ANKS1B: variants seen among roughly 807,000 people sequenced by gnomAD.
ANKS1B encodes ankyrin repeat and sterile alpha motif domain-containing protein 1B.
ANKS1B carries 36 observed loss-of-function variants against 148.3 expected under a neutral mutation model. That is an observed-to-expected ratio of 0.24 (90% CI 0.19 to 0.32). The LOEUF is 0.32. ANKS1B is among the 10% of genes least tolerant of loss of function. The pLI is 1.00. For synonymous variants in ANKS1B, 542 were observed against 560.8 expected, an observed-to-expected ratio of 0.97 and a Z score of 0.47; for missense variants, 1,157 against 1,542.6, an observed-to-expected ratio of 0.75 and a Z score of 4.19.
At chr12:99,901,526 A>T (rs7308947) in intron 1 of ANKS1B, among the ~76,000 whole-genome samples, 15,107 of 152,218 alleles carry the variant, frequency 0.099, 864 homozygotes, top group African/African-American at 0.15. Context: ...CTGGAATCCT[A>T]TAGTGGACAT....
intron 3 of ANKS1B, among the ~76,000 whole-genome samples, chr12:99,807,219 A>G (rs1375225443): frequency 2.0e-5 from 3 of 152,216 alleles, no homozygotes; most frequent in Non-Finnish European, 2.9e-5. Context: ...AAGAAAATGA[A>G]AAGATTTTGG....
chr12:99,752,506 G>C (rs2153596916), intron 8 of ANKS1B, among the ~76,000 whole-genome samples: 1 of 151,740 alleles, frequency 6.6e-6, no homozygotes, highest in South Asian at 2.1e-4. Flanking sequence ...ATGAACTAAA[G>C]CAATGAAGAA....
At chr12:99,259,094 C>T (rs957796450) in intron 12 of ANKS1B, among the ~76,000 whole-genome samples, 10 of 152,242 alleles carry the variant, frequency 6.6e-5, no homozygotes, top group Admixed American at 1.3e-4. Flanking sequence ...AATGCAAAGC[C>T]GGCTTTTTTC....
At chr12:99,711,593 A>G (rs2056641964) in intron 8 of ANKS1B, among the ~76,000 whole-genome samples, 1 of 152,206 alleles carries the variant, frequency 6.6e-6, no homozygotes, top group Admixed American at 6.5e-5. Flanking sequence ...AGCATATGAA[A>G]AAAAGCTCAA....
At chr12:99,466,832 G>A (rs201057537) in intron 10 of ANKS1B, among the ~76,000 whole-genome samples, 1 of 151,554 alleles carries the variant, frequency 6.6e-6, no homozygotes, top group South Asian at 2.1e-4. Flanking sequence ...AGGACCAGAT[G>A]GATTCACAGT....
chr12:99,169,876 A>C (rs2077568686), intron 14 of ANKS1B, among the ~76,000 whole-genome samples: 1 of 151,998 alleles, frequency 6.6e-6, no homozygotes, highest in African/African-American at 2.4e-5. Flanking sequence ...CTAAGCTTTC[A>C]GCCACTACTC....
intron 8 of ANKS1B, among the ~76,000 whole-genome samples, chr12:99,769,837 T>C (rs1601787466): frequency 1.3e-5 from 2 of 152,228 alleles, no homozygotes; most frequent in Admixed American, 6.5e-5. Context: ...TCATCATAAA[T>C]CATTCTCAAA....
intron 17 of ANKS1B, among the ~76,000 whole-genome samples, chr12:98,855,070 A>G (rs561029997): frequency 6.6e-6 from 1 of 151,850 alleles, no homozygotes; most frequent in East Asian, 1.9e-4. Context: ...GAGGCAGGAG[A>G]ATGGCGTGAA....
chr12:99,822,687 CACT>C (rs767896422), intron 2 of ANKS1B, among the ~76,000 whole-genome samples: 2 of 152,258 alleles, frequency 1.3e-5, no homozygotes, highest in Admixed American at 6.5e-5. Flanking sequence ...TCCAATCCAC[CACT>C]GATTGGCACT....
Position 99,379,770 on chromosome 12 carries a change from A to G in ANKS1B, c.1756+19861T>C, listed in dbSNP as rs146035514. ...AGTGTCTACTTACGATAATTTAATG[A>G]CAATAAATCTAGGCAGATCTACTGG... On this transcript the variant is annotated intron_variant, in intron 12 of 26. Transcript: ENST00000683438. Among the ~76,000 whole-genome samples the G allele has an allele frequency of 4.7e-3, 719 of 152,352 alleles. 25 individuals are homozygous for G. Among genetic ancestry groups the G allele is most frequent in the Admixed American group, 0.037 (568 of 15,302 alleles).
At chr12:99,132,584 A>G (rs2066474110) in intron 15 of ANKS1B, among the ~76,000 whole-genome samples, 1 of 152,188 alleles carries the variant, frequency 6.6e-6, no homozygotes, top group African/African-American at 2.4e-5. Context: ...GAAGGTGAGT[A>G]GTGAAAGTCA....
chr12:99,444,865 CA>C (rs998573646), intron 10 of ANKS1B, among the ~76,000 whole-genome samples: 53 of 151,928 alleles, frequency 3.5e-4, no homozygotes, highest in Non-Finnish European at 2.9e-4. Context: ...TCGCTGTCTA[CA>C]ATCCCCAGTG....
At chr12:99,752,135 T>C (rs2061162524) in intron 8 of ANKS1B, among the ~76,000 whole-genome samples, 1 of 152,050 alleles carries the variant, frequency 6.6e-6, no homozygotes, top group Admixed American at 6.6e-5. Context: ...CACTTTTTCC[T>C]GTGCCTTTCA....
At chr12:99,165,863 T>C (rs772423979) in intron 14 of ANKS1B, among the ~76,000 whole-genome samples, 2 of 151,832 alleles carry the variant, frequency 1.3e-5, no homozygotes, top group Non-Finnish European at 1.5e-5. Context: ...GTCATAAACA[T>C]AGATGTAAAA....
intron 17 of ANKS1B, among the ~76,000 whole-genome samples, chr12:98,844,329 A>G (rs1429722129): frequency 6.6e-6 from 1 of 152,222 alleles, no homozygotes; most frequent in Non-Finnish European, 1.5e-5. Context: ...TGAGCTTCAT[A>G]AAATTCTAAC....
intron 11 of ANKS1B, among the ~76,000 whole-genome samples, chr12:99,423,672 A>T (rs1353269024): frequency 6.6e-6 from 1 of 152,174 alleles, no homozygotes; most frequent in African/African-American, 2.4e-5. Flanking sequence ...AAGGAATGAG[A>T]TCATGTCCTT....
At chr12:99,590,222 C>T (rs1355416639) in intron 9 of ANKS1B, among the ~76,000 whole-genome samples, 1 of 150,616 alleles carries the variant, frequency 6.6e-6, no homozygotes, top group Admixed American at 6.7e-5. Context: ...TTTCAGTGCT[C>T]ATTCATTTAA....
intron 17 of ANKS1B, among the ~76,000 whole-genome samples, chr12:98,880,695 A>T (rs189973842): frequency 6.6e-6 from 1 of 152,072 alleles, no homozygotes; most frequent in Non-Finnish European, 1.5e-5. Context: ...GTGAACCCGG[A>T]AGGCGGAGCT....
intron 9 of ANKS1B, among the ~76,000 whole-genome samples, chr12:99,532,997 T>C (rs546943755): frequency 6.6e-6 from 1 of 152,348 alleles, no homozygotes; most frequent in Non-Finnish European, 1.5e-5. Context: ...AGGACTGCTT[T>C]TGCTAGTTAG....
Sources: gnomAD v4.1 joint callset for allele counts (sites outside exome capture counted in the v4.1 genomes callset) on GRCh38, gnomAD v4.1.1 for gene constraint, MANE v1.5 for transcripts, NCBI Gene and HGNC (gene_info 2026-07-23, HGNC 2026-07-21) for gene names.